Variants in TUT1 observed in about 807,000 individuals in gnomAD.
TUT1 encodes the protein speckle targeted PIP5K1A-regulated poly(A) polymerase.
In TUT1, 26 loss-of-function variants were observed where a neutral mutation model predicts 48.8. The observed-to-expected ratio is 0.53, with a 90% CI of 0.39 to 0.74. The LOEUF (loss-of-function observed/expected upper bound fraction) is 0.74. Ranked by LOEUF, TUT1 falls within the 30% of genes least tolerant of loss-of-function variation. TUT1 has a pLI of 0.00. For synonymous variants in TUT1, 470 were observed against 460.8 expected (o/e 1.02, Z -0.26); for missense variants, 1,065 against 1,114.8 (o/e 0.96, Z 0.64).
chr11:62,589,000 C>A, intron 2 of TUT1, 31 bp downstream of exon 2: 1 of 1,600,086 alleles, frequency 6.2e-7, no homozygotes, highest in South Asian at 1.1e-5. Context: ...AGCACTGATT[C>A]ATTCTTTAAC....
rs771845880 is a variant in TUT1 at position 62,575,971 on chromosome 11, G to A, written c.1748C>T (p.Ser583Phe). ...YCRSLQYQRRSSRGRDWGLLP... is the reference protein window; with the variant it reads ...YCRSLQYQRRFSRGRDWGLLP... Reference sequence around the variant, plus strand: ...CAGCCCCCAGTCCCGACCCCGGGAGGAACGGCGCTGGTACTGGAGGCTTCG... The same window carrying A: ...CAGCCCCCAGTCCCGACCCCGGGAGAAACGGCGCTGGTACTGGAGGCTTCG... Residue 583 changes from serine to phenylalanine, a missense_variant, in exon 9 of 9, where the codon TCC (serine) becomes TTC (phenylalanine). By Grantham distance (155) the Ser-to-Phe change is radical. Transcript: ENST00000476907. 6.2e-7 allele frequency: 1 copy of A among 1,614,092 alleles called. No individual in the cohort carries two copies. The highest frequency in any genetic ancestry group is 2.2e-5 in the East Asian group (1 of 44,882).
At chr11:62,588,741 C>G (rs1309730504) in intron 2 of TUT1, among the ~76,000 whole-genome samples, 1 of 152,162 alleles carries the variant, frequency 6.6e-6, no homozygotes, top group African/African-American at 2.4e-5. Context: ...GTAATCCAGG[C>G]TGGAGCACAG....
In TUT1 at chr11:62,575,069, T is replaced by G; in HGVS notation, c.*25A>C. ...AGACTGTATTAATAAACTAGCAGCT[T>G]TATTGCCCTTCAGGGGCCATGTCTT... On this transcript the variant is annotated 3_prime_UTR_variant, in exon 9 of 9. Transcript: ENST00000476907. 1 of 1,548,092 alleles carries G rather than the reference T, an allele frequency of 6.5e-7. No individual in the cohort carries two copies. Among genetic ancestry groups the G allele is most frequent in the Non-Finnish European group, 8.7e-7 (1 of 1,148,216 alleles).
chr11:62,581,633 G>C lies in TUT1; in HGVS notation c.342C>G (p.His114Gln). The C allele has an allele frequency of 6.5e-7, 1 of 1,547,822 alleles. No individual in the cohort carries two copies. Among genetic ancestry groups the C allele is most frequent in the African/African-American group, 1.4e-5 (1 of 72,860 alleles). ...AREAVLSQSQHSLGGHRLRVR... is the reference protein window; with the variant it reads ...AREAVLSQSQQSLGGHRLRVR... ...CACGCAGGCGATGTCCTCCCAGGCT[G>C]TGCTGGGACTGTGACAAGACAGCCT... The change falls in exon 3 of 9, where the codon CAC becomes CAG. Residue 114 changes from histidine (H) to glutamine (Q), a missense_variant. His to Gln is a conservative substitution (Grantham distance 24, BLOSUM62 0). Coordinates refer to ENST00000476907, the MANE Select transcript of TUT1 (RefSeq NM_022830.3).
At position 62,578,971 on chromosome 11, in the gene TUT1, G is replaced by A; in HGVS notation, c.750C>T (p.Asp250=). The A allele has an allele frequency of 1.3e-6, 2 of 1,525,418 alleles. No individual in the cohort carries two copies. The highest frequency in any genetic ancestry group is 2.8e-5 in the African/African-American group (2 of 71,942). 94.5% of individuals were successfully genotyped at this position (1,525,418 alleles called of 1,614,324 possible). ...SLDSALASPL[D]PQALACTPAS... is the part of the protein sequence containing the mutation. ...CTGGGGTGCAGGCCAGGGCTTGAGG[G>A]TCCAGTGGGGAAGCCAGGGCCGAGT... The change falls in exon 5 of 9, where the codon GAC becomes GAT. Residue 250 remains aspartate, a synonymous_variant. Transcript: ENST00000476907.
In TUT1 at chr11:62,576,957, G is replaced by A. The variant is rs1941739679; in HGVS notation, c.1331C>T (p.Thr444Ile). 3.1e-6 allele frequency: 5 copies of A among 1,614,144 alleles called. No homozygotes were observed. The highest frequency in any genetic ancestry group is 4.2e-6 in the Non-Finnish European group (5 of 1,180,020). Reference protein sequence around the residue: ...LTLLVIYFLQTRDPPVLPTVS... With the variant: ...LTLLVIYFLQIRDPPVLPTVS... Reference sequence around the variant, plus strand: ...AGTGGGCAACACAGGAGGGTCCCTGGTCTGAAGAAAATAGATCACCAGCAA... The same window carrying A: ...AGTGGGCAACACAGGAGGGTCCCTGATCTGAAGAAAATAGATCACCAGCAA... The change falls in exon 7 of 9, where the codon ACC (threonine) becomes ATC (isoleucine). Residue 444 changes from threonine (T) to isoleucine (I), a missense_variant. Physicochemically the swap from Thr to Ile is moderately conservative, Grantham distance 89. Coordinates refer to ENST00000476907, the MANE Select transcript of TUT1 (RefSeq NM_022830.3).
Position 62,575,275 on chromosome 11 carries a change from T to G in TUT1, c.2444A>C (p.Lys815Thr). 1 of 1,614,128 alleles carries G rather than the reference T, an allele frequency of 6.2e-7. No homozygotes were observed. Among genetic ancestry groups the G allele is most frequent in the South Asian group, 1.1e-5 (1 of 91,078 alleles). The stretch of plus-strand genomic sequence containing the variant: ...CCTCTCTTCGCCACCACTCAGTCCT[T>G]TCAGCTCCTGGGTGACCTGAGCCTC... ...ATEAQVTQEL[K>T]GLSGGEERPE... Residue 815 changes from lysine (K) to threonine (T), a missense_variant, in exon 9 of 9, where the codon AAA becomes ACA. Coordinates refer to ENST00000476907, the MANE Select transcript of TUT1 (RefSeq NM_022830.3).
At position 62,575,181 on chromosome 11, in the gene TUT1, G is replaced by A. The variant is rs764797013; in HGVS notation, c.2538C>T (p.Thr846=). 11 of 1,610,860 alleles carry A rather than the reference G, an allele frequency of 6.8e-6. No homozygotes were observed. Among genetic ancestry groups the A allele is most frequent in the South Asian group, 6.6e-5 (6 of 91,004 alleles). ...VSPADRMLTV[T]PLQDPQGLFP... Reference sequence around the variant, plus strand: ...ACAGGCCTTGGGGATCCTGGAGCGGGGTCACAGTGAGCATTCGGTCAGCCG... The same window carrying A: ...ACAGGCCTTGGGGATCCTGGAGCGGAGTCACAGTGAGCATTCGGTCAGCCG... Residue 846 remains threonine (T), a synonymous_variant, in exon 9 of 9, where the codon ACC becomes ACT. Coordinates refer to ENST00000476907, the MANE Select transcript of TUT1 (RefSeq NM_022830.3).
Position 62,589,037 on chromosome 11 carries a change from C to T in TUT1, c.267G>A (p.Lys89=). 6.2e-7 allele frequency: 1 copy of T among 1,613,542 alleles called. No individual in the cohort carries two copies. The highest frequency in any genetic ancestry group is 8.5e-7 in the Non-Finnish European group (1 of 1,179,610). Reference sequence around the variant, plus strand: ...CGAGAGCCATTCACTTTACCTTGTCCTTGTCCATGACAACACTGGCCACAG... The same window carrying T: ...CGAGAGCCATTCACTTTACCTTGTCTTTGTCCATGACAACACTGGCCACAG... The part of the protein sequence containing the change: ...FGPVASVVMD[K]DKGVFAIVEM... Residue 89 remains lysine (K), a synonymous_variant, in exon 2 of 9, where the codon AAG becomes AAA. Transcript: ENST00000476907.
chr11:62,579,806 C>G (rs1413629898), intron 4 of TUT1, among the ~76,000 whole-genome samples: 3 of 151,674 alleles, frequency 2.0e-5, no homozygotes, highest in African/African-American at 7.3e-5. Context: ...GCTGGGATTA[C>G]AGGTACGTGC....
At chr11:62,587,241 G>A (rs1941933544) in intron 2 of TUT1, among the ~76,000 whole-genome samples, 1 of 152,140 alleles carries the variant, frequency 6.6e-6, no homozygotes, top group Admixed American at 6.5e-5. Flanking sequence ...GAATGCAATG[G>A]CGCGATGTCG....
chr11:62,577,442 G>A, intron 5 of TUT1, 151 bp from the exon 6 acceptor site: 1 of 652,690 alleles, frequency 1.5e-6, no homozygotes. Flanking sequence ...GTGAGACAGT[G>A]TGCGAAAGGA....
intron 1 of TUT1, among the ~76,000 whole-genome samples, chr11:62,590,648 A>G (rs1165073954): frequency 6.6e-6 from 1 of 151,720 alleles, no homozygotes; most frequent in South Asian, 2.1e-4. Context: ...AAAAAAAAAA[A>G]AAAAGAAAAA....
At chr11:62,578,016 G>A (rs1410452735) in intron 5 of TUT1, among the ~76,000 whole-genome samples, 1 of 140,820 alleles carries the variant, frequency 7.1e-6, no homozygotes, top group Admixed American at 7.3e-5. Context: ...AGCTGAGATC[G>A]CACCATTGCA....
intron 2 of TUT1, among the ~76,000 whole-genome samples, chr11:62,588,156 T>C (rs1201278634): frequency 6.6e-6 from 1 of 152,240 alleles, no homozygotes; most frequent in Non-Finnish European, 1.5e-5. Flanking sequence ...TAGTGCCTAG[T>C]ACAAAGTTAG....
At position 62,581,182 on chromosome 11, in the gene TUT1, G is replaced by A; in HGVS notation, c.614C>T (p.Ser205Phe). 6.2e-7 allele frequency: 1 copy of A among 1,614,160 alleles called. No individual in the cohort carries two copies. Among genetic ancestry groups the A allele is most frequent in the East Asian group, 2.2e-5 (1 of 44,884 alleles). ...FPGCVVHPFG[S>F]SINSFDVHGC... Reference sequence around the variant, plus strand: ...ATGGACATCGAAGCTATTTATGGAAGAGCCAAAAGGGTGGACCACACAGCC... The same window carrying A: ...ATGGACATCGAAGCTATTTATGGAAAAGCCAAAAGGGTGGACCACACAGCC... The change falls in exon 4 of 9, where the codon TCT becomes TTT. Residue 205 changes from serine (S) to phenylalanine (F), a missense_variant. By Grantham distance (155) the Ser-to-Phe change is radical (BLOSUM62 -2). Coordinates refer to ENST00000476907, the MANE Select transcript of TUT1 (RefSeq NM_022830.3).
chr11:62,588,884 G>T, intron 2 of TUT1, 147 bp downstream of exon 2: 1 of 617,092 alleles, frequency 1.6e-6, no homozygotes, highest in Non-Finnish European at 2.7e-6. Flanking sequence ...AGTAGAGATG[G>T]GGTTTCACCA....
rs775403051 is a variant in TUT1 at position 62,579,048 on chromosome 11, C to G, written c.691-18G>C. ...GGGACTGGCTGTGGACAGAAATGAA[C>G]TGAGTGAAATGTTTCTGCTGTTCCC... On this transcript the variant is annotated intron_variant, in intron 4 of 8. Transcript: ENST00000476907. The G allele has an allele frequency of 2.0e-6, 3 of 1,488,562 alleles. No individual in the cohort carries two copies. The highest frequency in any genetic ancestry group is 2.8e-5 in the African/African-American group (2 of 71,130). 92.2% of individuals were successfully genotyped at this position (1,488,562 alleles called of 1,614,324 possible).
chr11:62,581,982 C>T (rs1941835413), intron 2 of TUT1, among the ~76,000 whole-genome samples: 1 of 151,660 alleles, frequency 6.6e-6, no homozygotes, highest in Non-Finnish European at 1.5e-5. Flanking sequence ...CCCATCTCTA[C>T]AAACAATTTT....
Sources: gnomAD v4.1 joint callset for allele counts (sites outside exome capture counted in the v4.1 genomes callset) on GRCh38, gnomAD v4.1.1 for gene constraint, MANE v1.5 for transcripts, NCBI Gene and HGNC (gene_info 2026-07-23, HGNC 2026-07-21) for gene names.